Variants in WWOX observed in about 807,000 individuals in gnomAD.
WWOX encodes WW domain-containing oxidoreductase.
A neutral mutation model predicts 46.2 loss-of-function variants in WWOX; 69 were observed. The observed-to-expected ratio is 1.49, with a 90% confidence interval of 1.23 to 1.82. The LOEUF is 1.82. WWOX is among the 40% of genes most tolerant of loss of function. The pLI is 0.00. For synonymous variants in WWOX, 359 were observed against 202.6 expected (o/e 1.77, Z -6.56); for missense variants, 919 against 542.6 (o/e 1.69, Z -6.89).
chr16:78,671,251 C>A (rs542892320), intron 8 of WWOX, among the ~76,000 whole-genome samples: 1 of 152,000 alleles, frequency 6.6e-6, no homozygotes, highest in Non-Finnish European at 1.5e-5. Flanking sequence ...GGCGAGACCC[C>A]GTCTCTACAA....
At chr16:78,177,852 A>C (rs1294038625) in intron 5 of WWOX, among the ~76,000 whole-genome samples, 1 of 152,222 alleles carries the variant, frequency 6.6e-6, no homozygotes, top group Non-Finnish European at 1.5e-5. Flanking sequence ...AGAGCAGAAA[A>C]GGACGAGACG....
At chr16:79,154,573 T>A (rs1011992305) in intron 8 of WWOX, among the ~76,000 whole-genome samples, 1 of 151,508 alleles carries the variant, frequency 6.6e-6, no homozygotes, top group South Asian at 2.1e-4. Context: ...GTGATGGGGA[T>A]ATTCGATGGC....
Position 78,848,848 on chromosome 16 carries a change from C to G in WWOX, c.1057-362760C>G, listed in dbSNP as rs1178654122. On this transcript the variant is annotated intron_variant, in intron 8 of 8. Transcript: ENST00000566780. ...ATTTTTTTTAACCTCCTCTGAGATT[C>G]TGTATTTCCTTAATGACCCGAAAAA... 1.3e-5 allele frequency among the ~76,000 whole-genome samples: 2 copies of G among 151,204 alleles called. 1 individual carries two copies. The highest frequency in any genetic ancestry group is 3.9e-4 in the East Asian group (2 of 5,134).
chr16:78,250,360 C>T (rs1006116672), intron 5 of WWOX, among the ~76,000 whole-genome samples: 2 of 152,152 alleles, frequency 1.3e-5, no homozygotes, highest in African/African-American at 4.8e-5. Flanking sequence ...AATAATGTAA[C>T]CTCCATCTGC....
intron 8 of WWOX, among the ~76,000 whole-genome samples, chr16:78,687,338 G>A (rs970450160): frequency 2.0e-5 from 3 of 152,152 alleles, no homozygotes; most frequent in Non-Finnish European, 2.9e-5. Flanking sequence ...TTAAAGCATT[G>A]TACCTATCGA....
intron 8 of WWOX, among the ~76,000 whole-genome samples, chr16:78,692,187 G>C (rs1350013419): frequency 1.3e-5 from 2 of 152,114 alleles, no homozygotes; most frequent in Admixed American, 6.6e-5. Context: ...AAGGGAGTGT[G>C]GTTGTACTTC....
At chr16:79,143,891 T>A (rs1043413205) in intron 8 of WWOX, among the ~76,000 whole-genome samples, 5 of 152,154 alleles carry the variant, frequency 3.3e-5, no homozygotes, top group Admixed American at 3.3e-4. Context: ...CCCATAGTCA[T>A]GAAAATAAGA....
chr16:78,843,755 A>T (rs1408662268), intron 8 of WWOX, among the ~76,000 whole-genome samples: 1 of 152,232 alleles, frequency 6.6e-6, no homozygotes, highest in Non-Finnish European at 1.5e-5. Context: ...CTGTTGCATC[A>T]AATATTTAGC....
At chr16:78,818,817 G>A (rs1253066110) in intron 8 of WWOX, among the ~76,000 whole-genome samples, 1 of 152,182 alleles carries the variant, frequency 6.6e-6, no homozygotes, top group Non-Finnish European at 1.5e-5. Flanking sequence ...TAATTCCAAA[G>A]GTTGCTTTTA....
chr16:78,390,611 A>T (rs1404905502), intron 6 of WWOX, among the ~76,000 whole-genome samples: 1 of 152,210 alleles, frequency 6.6e-6, no homozygotes, highest in African/African-American at 2.4e-5. Context: ...TACTTTTGAA[A>T]TGCTGCCAAA....
At chr16:78,877,062 C>A (rs1467620215) in intron 8 of WWOX, among the ~76,000 whole-genome samples, 1 of 152,290 alleles carries the variant, frequency 6.6e-6, no homozygotes, top group Non-Finnish European at 1.5e-5. Context: ...GAAACAAATT[C>A]TTTTCCTTAC....
intron 5 of WWOX, among the ~76,000 whole-genome samples, chr16:78,270,963 A>G (rs1190043000): frequency 6.6e-6 from 1 of 152,206 alleles, no homozygotes; most frequent in Admixed American, 6.5e-5. Flanking sequence ...AAATAGTTGC[A>G]TTGAAAGGCC....
At chr16:78,923,794 G>GTTTTTTTTT (rs56852814) in intron 8 of WWOX, among the ~76,000 whole-genome samples, 8 of 102,158 alleles carry the variant, frequency 7.8e-5, no homozygotes, top group African/African-American at 1.8e-4. Context: ...TTTTTAGTTA[G>GTTTTTTTTT]TTTTTTTTTT....
At chr16:78,936,539 A>C (rs1195606954) in intron 8 of WWOX, among the ~76,000 whole-genome samples, 2 of 152,176 alleles carry the variant, frequency 1.3e-5, no homozygotes, top group Non-Finnish European at 2.9e-5. Context: ...GGTAAAGTTA[A>C]GCTGCTTTCT....
intron 8 of WWOX, among the ~76,000 whole-genome samples, chr16:78,823,444 C>G (rs913818661): frequency 1.3e-5 from 2 of 152,168 alleles, no homozygotes; most frequent in Admixed American, 6.5e-5. Flanking sequence ...AAGTCATCAT[C>G]GCTTATCATC....
intron 8 of WWOX, among the ~76,000 whole-genome samples, chr16:79,140,775 T>C (rs772522382): frequency 3.9e-5 from 6 of 152,284 alleles, no homozygotes; most frequent in East Asian, 1.9e-4. Context: ...CAGAGGCAAG[T>C]CTGCTTGTTT....
At chr16:78,863,968 A>G (rs1256469932) in intron 8 of WWOX, among the ~76,000 whole-genome samples, 1 of 152,146 alleles carries the variant, frequency 6.6e-6, no homozygotes, top group African/African-American at 2.4e-5. Flanking sequence ...CATTGTATGG[A>G]TATACCAAAT....
At chr16:78,738,141 C>A (rs557826179) in intron 8 of WWOX, among the ~76,000 whole-genome samples, 182 of 152,238 alleles carry the variant, frequency 1.2e-3, no homozygotes, top group African/African-American at 4.2e-3. Flanking sequence ...GGTAAAGTGA[C>A]ATTTTTTAAG....
intron 5 of WWOX, among the ~76,000 whole-genome samples, chr16:78,328,823 T>G (rs976084542): frequency 1.5e-4 from 12 of 80,346 alleles, no homozygotes; most frequent in African/African-American, 6.4e-4. Flanking sequence ...TTTGCCGATG[T>G]GTTTTTCTTT....
Sources: allele counts gnomAD v4.1 joint callset (sites outside exome capture counted in the v4.1 genomes callset), GRCh38; gene constraint gnomAD v4.1.1; transcripts MANE v1.5; gene names NCBI Gene and HGNC (gene_info 2026-07-23, HGNC 2026-07-21).